SLC1A7: variants seen among roughly 807,000 people sequenced by gnomAD.
SLC1A7 encodes excitatory amino acid transporter 5.
SLC1A7 carries 40 observed loss-of-function variants against 47.7 expected under a neutral mutation model. That is an observed-to-expected ratio of 0.84 (90% CI 0.65 to 1.09). SLC1A7 has a LOEUF of 1.09. Ranked by LOEUF, SLC1A7 falls within the 50% of genes least tolerant of loss-of-function variation. SLC1A7 has a pLI of 0.00. For synonymous variants in SLC1A7, 323 were observed against 325.6 expected, an observed-to-expected ratio of 0.99 and a Z score of 0.09; for missense variants, 746 against 769.5, an observed-to-expected ratio of 0.97 and a Z score of 0.36.
At chr1:53,120,826 C>A (rs1201129109) in intron 2 of SLC1A7, among the ~76,000 whole-genome samples, 3 of 152,242 alleles carry the variant, frequency 2.0e-5, no homozygotes, top group East Asian at 1.9e-4. Flanking sequence ...CCTTTCCTGT[C>A]CTGTGGATGC....
intron 1 of SLC1A7, among the ~76,000 whole-genome samples, chr1:53,140,663 G>A (rs1368984996): frequency 2.0e-5 from 3 of 152,158 alleles, no homozygotes; most frequent in Admixed American, 6.5e-5. Flanking sequence ...GAAGTAACAC[G>A]TAGTAAGCAC....
chr1:53,093,278 C>T (rs542869343), intron 6 of SLC1A7, among the ~76,000 whole-genome samples, 183 bp downstream of exon 6: 4 of 152,238 alleles, frequency 2.6e-5, no homozygotes, highest in Non-Finnish European at 5.9e-5. Flanking sequence ...GGCCCAGGGC[C>T]GGAGCCAGGC....
chr1:53,096,211 T>G (rs1375442893), intron 5 of SLC1A7, among the ~76,000 whole-genome samples: 1 of 134,812 alleles, frequency 7.4e-6, no homozygotes, highest in Admixed American at 7.5e-5. Context: ...TTCACGCGCC[T>G]AGCCTCGATA....
At chr1:53,112,893 C>T (rs1644714817) in intron 3 of SLC1A7, among the ~76,000 whole-genome samples, 1 of 152,128 alleles carries the variant, frequency 6.6e-6, no homozygotes, top group Non-Finnish European at 1.5e-5. Flanking sequence ...CCAGAGAACC[C>T]ATAGAAGTAG....
At chr1:53,106,468 G>A (rs1309329876) in intron 3 of SLC1A7, among the ~76,000 whole-genome samples, 1 of 151,976 alleles carries the variant, frequency 6.6e-6, no homozygotes, top group Non-Finnish European at 1.5e-5. Flanking sequence ...GCTGGGCACG[G>A]TGGCGGGTGC....
intron 4 of SLC1A7, 127 bp downstream of exon 4, chr1:53,105,605 C>A: frequency 2.5e-6 from 2 of 802,816 alleles, no homozygotes; most frequent in South Asian, 2.8e-5. Flanking sequence ...CCTCTAGCAT[C>A]CCACCTCCAG....
chr1:53,097,586 C>T (rs1159924475), intron 5 of SLC1A7, among the ~76,000 whole-genome samples: 1 of 151,456 alleles, frequency 6.6e-6, no homozygotes, highest in African/African-American at 2.4e-5. Context: ...CACACTCACA[C>T]ATACTGCCTC....
intron 5 of SLC1A7, among the ~76,000 whole-genome samples, chr1:53,097,799 C>G (rs1479533632): frequency 6.6e-6 from 1 of 151,212 alleles, no homozygotes; most frequent in Non-Finnish European, 1.5e-5. Flanking sequence ...CACACCGCCT[C>G]AGTACACTCA....
At chr1:53,100,072 A>G (rs1309253384) in intron 5 of SLC1A7, among the ~76,000 whole-genome samples, 1 of 151,068 alleles carries the variant, frequency 6.6e-6, no homozygotes, top group Non-Finnish European at 1.5e-5. Flanking sequence ...CTGTACACTC[A>G]CACACCCCCA....
At chr1:53,094,997 G>T (rs1644469326) in intron 5 of SLC1A7, among the ~76,000 whole-genome samples, 1 of 152,106 alleles carries the variant, frequency 6.6e-6, no homozygotes, top group Non-Finnish European at 1.5e-5. Context: ...ACTCACACAC[G>T]CGGGCAGACA....
chr1:53,136,660 A>AT (rs1645002453), intron 1 of SLC1A7, among the ~76,000 whole-genome samples: 2 of 50,168 alleles, frequency 4.0e-5, no homozygotes, highest in African/African-American at 1.6e-4. Flanking sequence ...TATTATATAT[A>AT]TATATATTTT....
intron 4 of SLC1A7, among the ~76,000 whole-genome samples, chr1:53,103,805 CTCT>C (rs1489412355): frequency 6.6e-6 from 1 of 152,058 alleles, no homozygotes; most frequent in African/African-American, 2.4e-5. Flanking sequence ...GCCTTCATTC[CTCT>C]TCTTACTTCT....
At chr1:53,092,174 G>C (rs1644429163) in intron 7 of SLC1A7, among the ~76,000 whole-genome samples, 2 of 152,284 alleles carry the variant, frequency 1.3e-5, no homozygotes, top group Non-Finnish European at 2.9e-5. Context: ...CCCAGCGGCA[G>C]TGGACAGGCC....
In SLC1A7 at chr1:53,142,271, C is replaced by T. The variant is rs118187275; in HGVS notation, c.135+44G>A. ...GGACCCCAGATCCCTCAGGCCCACA[C>T]GCCCCTCCTGGACAGGGGTCCCGAG... On this transcript the variant is annotated intron_variant, in intron 1 of 10. Coordinates refer to ENST00000371494, the MANE Select transcript of SLC1A7 (RefSeq NM_006671.6). The T allele has an allele frequency of 5.3e-5, 82 of 1,540,134 alleles. No homozygotes were observed. The East Asian group carries it at 1.8e-3, about 33-fold the overall frequency.
intron 4 of SLC1A7, 151 bp from the exon 5 acceptor site, chr1:53,103,719 T>C: frequency 1.8e-6 from 1 of 552,134 alleles, no homozygotes; most frequent in Middle Eastern, 4.8e-4. Flanking sequence ...AGAGCAGGGA[T>C]TGCTATCAAT....
At chr1:53,110,074 G>A (rs1644686275) in intron 3 of SLC1A7, among the ~76,000 whole-genome samples, 1 of 152,146 alleles carries the variant, frequency 6.6e-6, no homozygotes, top group African/African-American at 2.4e-5. Context: ...TGTCTTCAAG[G>A]TTGGGCTCTG....
At chr1:53,092,895 C>A in intron 6 of SLC1A7, 108 bp from the exon 7 acceptor site, 1 of 642,600 alleles carries the variant, frequency 1.6e-6, no homozygotes, top group Non-Finnish European at 2.6e-6. Flanking sequence ...GGGGCTCCTG[C>A]GAGGACAGAG....
chr1:53,131,678 T>C (rs996770071), intron 2 of SLC1A7, among the ~76,000 whole-genome samples: 2 of 152,278 alleles, frequency 1.3e-5, no homozygotes, highest in African/African-American at 2.4e-5. Flanking sequence ...CAGGATCCAT[T>C]AATTAATTCA....
intron 2 of SLC1A7, among the ~76,000 whole-genome samples, chr1:53,119,857 C>A (rs1047549809): frequency 1.1e-4 from 16 of 152,158 alleles, no homozygotes; most frequent in African/African-American, 3.6e-4. Context: ...AGGATGACTT[C>A]AAACATTCCT....
Sources: allele counts gnomAD v4.1 joint callset (sites outside exome capture counted in the v4.1 genomes callset), GRCh38; gene constraint gnomAD v4.1.1; transcripts MANE v1.5; gene names NCBI Gene and HGNC (gene_info 2026-07-23, HGNC 2026-07-21).